Variants in CDC73 observed in about 807,000 individuals in gnomAD.
CDC73 encodes the protein parafibromin.
CDC73 carries 21 observed loss-of-function variants against 83.7 expected under a neutral mutation model. That is an observed-to-expected ratio of 0.25 (90% CI 0.18 to 0.36). The LOEUF is 0.36. CDC73 is among the 10% of genes least tolerant of loss of function. The pLI, the probability that CDC73 is intolerant of heterozygous loss-of-function variation, is 1.00. For synonymous variants in CDC73, 224 were observed against 212.9 expected (o/e 1.05, Z -0.45); for missense variants, 342 against 653.3 (o/e 0.52, Z 5.19).
At chr1:193,174,166 A>G (rs960790237) in intron 10 of CDC73, among the ~76,000 whole-genome samples, 3 of 150,930 alleles carry the variant, frequency 2.0e-5, no homozygotes, top group African/African-American at 4.9e-5. Context: ...GGCTTTTTCT[A>G]AGTTTTTCAA....
At chr1:193,185,995 A>G (rs948928631) in intron 10 of CDC73, 4 of 152,264 alleles carry the variant, frequency 2.6e-5, no homozygotes, top group African/African-American at 4.8e-5. Flanking sequence ...TTAAATGACT[A>G]TCATACACAA....
intron 10 of CDC73, among the ~76,000 whole-genome samples, chr1:193,182,338 C>T (rs942939704): frequency 3.3e-5 from 5 of 152,094 alleles, no homozygotes; most frequent in African/African-American, 1.2e-4. Context: ...AAAATTTTAA[C>T]TTTTCTTTGT....
At chr1:193,199,385 C>T (rs1182239599) in intron 10 of CDC73, among the ~76,000 whole-genome samples, 3 of 151,922 alleles carry the variant, frequency 2.0e-5, no homozygotes, top group Non-Finnish European at 4.4e-5. Flanking sequence ...AAAATGAGGC[C>T]TGATCCCTTA....
intron 10 of CDC73, among the ~76,000 whole-genome samples, chr1:193,174,788 C>G (rs1676574775): frequency 1.3e-5 from 2 of 152,190 alleles, no homozygotes; most frequent in African/African-American, 4.8e-5. Context: ...ATCATGAAGG[C>G]CTGTAGACCT....
chr1:193,206,264 G>T (rs1371402784), intron 11 of CDC73, among the ~76,000 whole-genome samples: 1 of 152,096 alleles, frequency 6.6e-6, no homozygotes, highest in Non-Finnish European at 1.5e-5. Flanking sequence ...GTGCCCTGGG[G>T]ATTAAACCAA....
At chr1:193,192,550 T>C (rs977014899) in intron 10 of CDC73, among the ~76,000 whole-genome samples, 21 of 152,334 alleles carry the variant, frequency 1.4e-4, no homozygotes, top group African/African-American at 4.8e-4. Flanking sequence ...GCTTGATTCA[T>C]GTAGCCATCT....
chr1:193,203,315 T>C (rs1265020510), intron 10 of CDC73, among the ~76,000 whole-genome samples: 2 of 152,146 alleles, frequency 1.3e-5, no homozygotes, highest in African/African-American at 4.8e-5. Context: ...CCTGAATATT[T>C]TAAAGGCATT....
intron 13 of CDC73, among the ~76,000 whole-genome samples, chr1:193,224,825 C>A (rs1677538621): frequency 1.3e-5 from 2 of 150,744 alleles, no homozygotes; most frequent in Non-Finnish European, 3.0e-5. Context: ...AATGTGTTTT[C>A]TTTTTTTTTC....
Position 193,250,745 on chromosome 1 carries a change from AC to A in CDC73, c.*34del. The A allele has an allele frequency of 6.4e-7, 1 of 1,569,702 alleles. No homozygotes were observed. Among genetic ancestry groups the A allele is most frequent in the South Asian group, 1.1e-5 (1 of 90,102 alleles). ...GGCTCCTCCATTTCTGGAAATTGAG[AC>A]TCAAGCTTTATGAATTTATCAAGAA... is the stretch of plus-strand genomic sequence containing the variant. On this transcript the variant is annotated 3_prime_UTR_variant, in exon 17 of 17. Transcript: ENST00000367435.
intron 13 of CDC73, among the ~76,000 whole-genome samples, chr1:193,212,818 T>C (rs995450780): frequency 3.3e-5 from 5 of 152,164 alleles, no homozygotes; most frequent in Admixed American, 1.3e-4. Flanking sequence ...TTAGATGTTA[T>C]ACCCTAGTGG....
At chr1:193,150,241 A>G in intron 8 of CDC73, 63 bp from the exon 9 acceptor site, 1 of 1,197,986 alleles carries the variant, frequency 8.3e-7, no homozygotes, top group Non-Finnish European at 1.2e-6. Context: ...ACTGCACTCC[A>G]GCACATTAAA....
chr1:193,200,070 A>C (rs1392964861), intron 10 of CDC73, among the ~76,000 whole-genome samples: 1 of 151,618 alleles, frequency 6.6e-6, no homozygotes, highest in African/African-American at 2.4e-5. Context: ...CCACCAAAAA[A>C]AAAAAAAACA....
Position 193,250,909 on chromosome 1 carries a change from T to G in CDC73, c.*197T>G, listed in dbSNP as rs1558326541. The G allele has an allele frequency of 8.7e-6, 5 of 577,476 alleles. No individual in the cohort carries two copies. The highest frequency in any genetic ancestry group is 1.6e-5 in the Non-Finnish European group (5 of 320,440). The allele number at this position is 577,476 out of a possible 1,614,324, so 35.8% of individuals were successfully genotyped here. ...TATTTTTTTAATATTAGCCTTCTAG[T>G]CTGTAATGGAAATTGTATATTTTGA... On this transcript the variant is annotated 3_prime_UTR_variant, in exon 17 of 17. Coordinates refer to ENST00000367435, the MANE Select transcript of CDC73 (RefSeq NM_024529.5).
intron 15 of CDC73, among the ~76,000 whole-genome samples, chr1:193,239,910 T>A (rs1677828245): frequency 6.6e-6 from 1 of 152,168 alleles, no homozygotes; most frequent in South Asian, 2.1e-4. Flanking sequence ...ACCCCAGAAC[T>A]TAAAAGTTAG....
rs184802758 is a variant in CDC73 at position 193,209,960 on chromosome 1, A to G, written c.1031-2105A>G. Among the ~76,000 whole-genome samples, 197 of 151,886 alleles carry G rather than the reference A, an allele frequency of 1.3e-3. 1 individual carries two copies. Among genetic ancestry groups the G allele is most frequent in the African/African-American group, 4.6e-3 (189 of 41,404 alleles). ...AGCAACTCCTGTTTCCTGTTTATCCATCCTGTTACCCCTTTATCTCTCCAA... is the reference window on the plus strand; with the variant it reads ...AGCAACTCCTGTTTCCTGTTTATCCGTCCTGTTACCCCTTTATCTCTCCAA... On this transcript the variant is annotated intron_variant, in intron 11 of 16. Coordinates refer to ENST00000367435, the MANE Select transcript of CDC73 (RefSeq NM_024529.5).
chr1:193,134,663 C>T (rs1316476973), intron 3 of CDC73, among the ~76,000 whole-genome samples: 2 of 151,548 alleles, frequency 1.3e-5, no homozygotes, highest in East Asian at 1.9e-4. Flanking sequence ...AGCGAGACTC[C>T]GTCTCAAAAA....
chr1:193,205,814 A>G (rs764284195), intron 11 of CDC73, among the ~76,000 whole-genome samples: 5 of 152,160 alleles, frequency 3.3e-5, no homozygotes, highest in Non-Finnish European at 7.4e-5. Flanking sequence ...GGAAGAAAAA[A>G]GTGAAGGAAA....
rs886045718 is a variant in CDC73 at position 193,251,786 on chromosome 1, A to T, written c.*1074A>T. 16 of 232,042 alleles carry T rather than the reference A, an allele frequency of 6.9e-5. No individual in the cohort carries two copies. Among genetic ancestry groups the T allele is most frequent in the Middle Eastern group, 2.6e-3 (2 of 774 alleles). 14.4% of individuals were successfully genotyped at this position (232,042 alleles called of 1,614,324 possible). A position where few individuals can be genotyped will look rare whatever the true frequency, so the allele number is the denominator to read the frequency against. ...TTTTACTATTTCTCTACTTCAGACA[A>T]AATGTTGCATCCAAGGTACATCAAG... On this transcript the variant is annotated 3_prime_UTR_variant, in exon 17 of 17. Transcript: ENST00000367435.
At chr1:193,174,796 C>T (rs1676574890) in intron 10 of CDC73, among the ~76,000 whole-genome samples, 2 of 152,176 alleles carry the variant, frequency 1.3e-5, no homozygotes, top group South Asian at 4.1e-4. Context: ...GGCCTGTAGA[C>T]CTTACTTGCT....
Sources: gnomAD v4.1 joint callset for allele counts (sites outside exome capture counted in the v4.1 genomes callset) on GRCh38, gnomAD v4.1.1 for gene constraint, MANE v1.5 for transcripts, NCBI Gene and HGNC (gene_info 2026-07-23, HGNC 2026-07-21) for gene names.